NRP2: variants seen among roughly 807,000 people sequenced by gnomAD.
The protein encoded by NRP2 is neuropilin 2, also known as neuropilin-2.
Under a neutral mutation model 110.4 loss-of-function variants are expected in NRP2, and 52 were observed. That is an observed-to-expected ratio of 0.47 (90% confidence interval 0.38 to 0.59). The LOEUF (loss-of-function observed/expected upper bound fraction) is 0.59. Ranked by LOEUF, NRP2 falls within the 20% of genes least tolerant of loss-of-function variation. The pLI, the probability that NRP2 is intolerant of heterozygous loss-of-function variation, is 0.00. For missense variants in NRP2, 1,049 were observed against 1,203.0 expected (o/e 0.87, Z 1.89); for synonymous variants, 508 against 468.9 (o/e 1.08, Z -1.08).
In NRP2 at chr2:205,697,414, T is replaced by G. The variant is rs959777007; in HGVS notation, c.74-130T>G. On this transcript the variant is annotated intron_variant, in intron 1 of 16. Coordinates refer to ENST00000357785, the MANE Select transcript of NRP2 (RefSeq NM_003872.3). ...CACCGAATGAGTAAGTAGGTTAGTC[T>G]TCTGGACTGCCATAAAAGGTCTGTA... is the stretch of plus-strand genomic sequence containing the variant. The G allele has an allele frequency of 6.6e-6, 6 of 903,576 alleles. No individual in the cohort carries two copies. In the African/African-American group the frequency reaches 9.7e-5, roughly 15 times the overall value. The allele number at this position is 903,576 out of a possible 1,614,324, so 56.0% of individuals were successfully genotyped here. A position where few individuals can be genotyped will look rare whatever the true frequency, so the allele number is the denominator to read the frequency against.
rs747791031 is a variant in NRP2, at chr2:205,716,174, C to T, written c.252-19C>T. 6.2e-7 allele frequency: 1 copy of T among 1,613,824 alleles called. No individual in the cohort carries two copies. The highest frequency in any genetic ancestry group is 1.1e-5 in the South Asian group (1 of 91,064). Reference sequence around the variant, plus strand: ...TGTCCTTCGAGTGATCTTTTCTTGTCTGTGCCATCCCCACCCAGGTATGAC... The same window carrying T: ...TGTCCTTCGAGTGATCTTTTCTTGTTTGTGCCATCCCCACCCAGGTATGAC... On this transcript the variant is annotated intron_variant, in intron 2 of 16. Transcript: ENST00000357785.
chr2:205,744,188 T>G (rs2057497116), intron 9 of NRP2, among the ~76,000 whole-genome samples: 1 of 152,194 alleles, frequency 6.6e-6, no homozygotes, highest in African/African-American at 2.4e-5. Flanking sequence ...ACCGGAAGTC[T>G]GACTCCAAAG....
chr2:205,758,133 G>T (rs1262080996), intron 12 of NRP2, among the ~76,000 whole-genome samples: 1 of 152,178 alleles, frequency 6.6e-6, no homozygotes, highest in Non-Finnish European at 1.5e-5. Context: ...CAAAGTCAGT[G>T]TTTCCCTTAA....
chr2:205,716,066 C>T (rs2056887811), intron 2 of NRP2, 127 bp from the exon 3 acceptor site: 4 of 989,068 alleles, frequency 4.0e-6, no homozygotes, highest in Non-Finnish European at 6.4e-6. Context: ...ACATAAGTGC[C>T]CTTCGCTTAT....
chr2:205,709,887 G>A (rs1404820971), intron 2 of NRP2, among the ~76,000 whole-genome samples: 9 of 152,130 alleles, frequency 5.9e-5, no homozygotes, highest in Non-Finnish European at 1.3e-4. Flanking sequence ...GGATATATAT[G>A]TGCTTATAAA....
At chr2:205,738,140 G>C (rs1248906907) in intron 7 of NRP2, among the ~76,000 whole-genome samples, 7 of 152,194 alleles carry the variant, frequency 4.6e-5, no homozygotes, top group Admixed American at 6.5e-5. Context: ...TACCAGCGTG[G>C]TGTGTATGCT....
At chr2:205,690,214 A>G (rs1454575813) in intron 1 of NRP2, among the ~76,000 whole-genome samples, 8 of 152,174 alleles carry the variant, frequency 5.3e-5, no homozygotes, top group Non-Finnish European at 5.9e-5. Flanking sequence ...ATGTTCCCCA[A>G]AGGCATTCTA....
intron 15 of NRP2, chr2:205,776,239 C>T (rs1274874434): frequency 2.5e-6 from 4 of 1,611,986 alleles, no homozygotes; most frequent in Non-Finnish European, 8.5e-7. Flanking sequence ...CTGTGTCTCT[C>T]CACCAGGGGG....
rs774162388 is a variant in NRP2, at chr2:205,763,704, A to G, written c.2075A>G (p.Asp692Gly). The G allele has an allele frequency of 4.3e-6, 7 of 1,614,100 alleles. No homozygotes were observed. The African/African-American group carries it at 5.3e-5, about 12-fold the overall frequency. Reference sequence around the variant, plus strand: ...AGGAATTTCTTGCGGCTGCAGAGTGACAGCCAGAGAGAGGGCCAGTATGCC... The same window carrying G: ...AGGAATTTCTTGCGGCTGCAGAGTGGCAGCCAGAGAGAGGGCCAGTATGCC... ...DDRNFLRLQSDSQREGQYARL... is the reference protein window; with the variant it reads ...DDRNFLRLQSGSQREGQYARL... The change falls in exon 13 of 17, where the codon GAC (aspartate) becomes GGC (glycine). Residue 692 changes from aspartate to glycine, a missense_variant. Transcript: ENST00000357785. This position sits in a 1 kb window ranked among gnomAD's most constrained non-coding sequence, Gnocchi z 4.0.
intron 12 of NRP2, among the ~76,000 whole-genome samples, 169 bp downstream of exon 12, chr2:205,753,144 C>T (rs1377071910): frequency 6.6e-6 from 1 of 152,194 alleles, no homozygotes; most frequent in African/African-American, 2.4e-5. Flanking sequence ...CAAAGAATAG[C>T]CAGTTGGTGG....
At chr2:205,776,730 T>C in intron 15 of NRP2, 3 of 1,472,332 alleles carry the variant, frequency 2.0e-6, no homozygotes, top group Non-Finnish European at 2.7e-6. Flanking sequence ...TTCCTTTTTG[T>C]TGATTCCAAA....
chr2:205,755,971 C>T (rs953051810), intron 12 of NRP2, among the ~76,000 whole-genome samples: 5 of 152,024 alleles, frequency 3.3e-5, no homozygotes, highest in Admixed American at 1.3e-4. Flanking sequence ...TTACATTCCT[C>T]GGATATTTTC....
chr2:205,736,158 G>A (rs1377443299), intron 7 of NRP2, among the ~76,000 whole-genome samples: 5 of 152,038 alleles, frequency 3.3e-5, no homozygotes, highest in Non-Finnish European at 5.9e-5. Flanking sequence ...CCTGGCCAAC[G>A]TGGTGAAACC....
chr2:205,790,950 TG>T (rs1418538581), intron 15 of NRP2, among the ~76,000 whole-genome samples: 3 of 152,236 alleles, frequency 2.0e-5, no homozygotes, highest in African/African-American at 7.2e-5. Context: ...CAAGTTGTTT[TG>T]TGCATCCCTT....
In NRP2 at chr2:205,722,482, T is replaced by C; in HGVS notation, c.438T>C (p.Ser146=). ...ACAGTTCTCTTTTACATACAGGCTC[T>C]GAAGATTGCTCAAAAAACTTCACAA... The part of the protein sequence containing the change: ...SLRYEIFKTG[S]EDCSKNFTSP... Residue 146 remains serine, a synonymous_variant, in exon 4 of 17, where the codon TCT becomes TCC. Transcript: ENST00000357785. 6.2e-7 allele frequency: 1 copy of C among 1,613,676 alleles called. No individual in the cohort carries two copies.
At position 205,796,255 on chromosome 2, in the gene NRP2, T is replaced by C. The variant is rs1344499602; in HGVS notation, c.*1197T>C. 1.3e-5 allele frequency: 2 copies of C among 152,280 alleles called. No individual in the cohort carries two copies. The highest frequency in any genetic ancestry group is 2.4e-5 in the African/African-American group (1 of 41,464). The allele number at this position is 152,280 out of a possible 1,614,324, so 9.4% of individuals were successfully genotyped here. On this transcript the variant is annotated 3_prime_UTR_variant, in exon 17 of 17. Transcript: ENST00000357785. ...GACTAGTAAACACCGACTTCTCCTT[T>C]GGGTTACAAACACCATTTCAACCTT...
rs1297308030 is a variant in NRP2 at position 205,796,979 on chromosome 2, CA to C, written c.*1922del. 6.6e-6 allele frequency: 1 copy of C among 152,632 alleles called. No individual in the cohort carries two copies. Among genetic ancestry groups the C allele is most frequent in the Non-Finnish European group, 1.5e-5 (1 of 68,060 alleles). The allele number at this position is 152,632 out of a possible 1,614,324, so 9.5% of individuals were successfully genotyped here. A position where few individuals can be genotyped will look rare whatever the true frequency, so the allele number is the denominator to read the frequency against. On this transcript the variant is annotated 3_prime_UTR_variant, in exon 17 of 17. Transcript: ENST00000357785. ...AATGCTAGTTCAAATGGTAATGTCA[CA>C]GTGTTTTGTATGCAGAGAGCAAGAG...
intron 1 of NRP2, among the ~76,000 whole-genome samples, chr2:205,687,087 T>TC (rs910833258): frequency 6.6e-6 from 1 of 152,074 alleles, no homozygotes; most frequent in Admixed American, 6.6e-5. Flanking sequence ...CCCCTCCTCG[T>TC]CTGGAGAGCT....
At chr2:205,723,001 G>A (rs1455780983) in intron 4 of NRP2, among the ~76,000 whole-genome samples, 1 of 152,168 alleles carries the variant, frequency 6.6e-6, no homozygotes, top group African/African-American at 2.4e-5. Context: ...GATAGAAGGT[G>A]GCTCAGTGGC....
Sources: allele counts gnomAD v4.1 joint callset (sites outside exome capture counted in the v4.1 genomes callset), GRCh38; gene constraint gnomAD v4.1.1; non-coding constraint Gnocchi (gnomAD v3.1); transcripts MANE v1.5; gene names NCBI Gene and HGNC (gene_info 2026-07-23, HGNC 2026-07-21).